The following RGS7 variants were observed in gnomAD, a reference collection of about 807,000 sequenced individuals.
RGS7 encodes regulator of G protein signaling 7.
In RGS7, 27 loss-of-function variants were observed where a neutral mutation model predicts 81.1. The ratio of observed to expected loss-of-function variants is 0.33; its 90% confidence interval spans 0.25 to 0.46. The LOEUF (loss-of-function observed/expected upper bound fraction) is 0.46. Among genes scored for constraint, RGS7 ranks in the 20% least tolerant of loss-of-function variants. The probability of loss-of-function intolerance (pLI) is 1.00; values close to 1 mark genes in which losing one functional copy is unlikely to be tolerated. For synonymous variants in RGS7, 208 were observed against 207.7 expected (o/e 1.00, Z -0.01); for missense variants, 396 against 607.4 (o/e 0.65, Z 3.66).
intron 2 of RGS7, among the ~76,000 whole-genome samples, chr1:241,289,468 T>C (rs572055112): frequency 1.3e-5 from 2 of 152,334 alleles, no homozygotes; most frequent in East Asian, 3.9e-4. Context: ...CCACATTTTA[T>C]AGTAACAGCT....
chr1:240,793,939 C>T (rs1686556328), intron 18 of RGS7, among the ~76,000 whole-genome samples: 1 of 151,964 alleles, frequency 6.6e-6, no homozygotes. Context: ...GCGTAGTTTA[C>T]CTATATTAGT....
At chr1:241,305,338 C>T (rs532105527) in intron 2 of RGS7, among the ~76,000 whole-genome samples, 2 of 152,252 alleles carry the variant, frequency 1.3e-5, no homozygotes, top group South Asian at 2.1e-4. Flanking sequence ...AGTTTAATGT[C>T]GTCGGTCACC....
rs2062991001 is a variant in RGS7 at position 241,079,120 on chromosome 1, G to A, written c.175+19546C>T. ...AGCTAGTAACAGACAGCAAAACCGAGTTCCTATCTCTCTAGTGTTCCCTGC... is the reference window on the plus strand; with the variant it reads ...AGCTAGTAACAGACAGCAAAACCGAATTCCTATCTCTCTAGTGTTCCCTGC... On this transcript the variant is annotated intron_variant, in intron 3 of 18. Coordinates refer to ENST00000440928, the MANE Select transcript of RGS7 (RefSeq NM_001364886.1). 2.6e-5 allele frequency among the ~76,000 whole-genome samples: 4 copies of A among 152,162 alleles called. No homozygotes were observed. The South Asian group carries it at 8.3e-4, about 32-fold the overall frequency.
intron 10 of RGS7, among the ~76,000 whole-genome samples, chr1:240,820,589 G>A (rs894469628): frequency 2.6e-5 from 4 of 152,094 alleles, no homozygotes; most frequent in African/African-American, 9.7e-5. Flanking sequence ...AGGTGACTAG[G>A]TATGAGGGTG....
chr1:241,190,025 C>T (rs954504855), intron 2 of RGS7, among the ~76,000 whole-genome samples: 2 of 152,050 alleles, frequency 1.3e-5, no homozygotes, highest in Non-Finnish European at 2.9e-5. Context: ...ATGGCGTGAA[C>T]CTGGGAGGCG....
Position 241,238,246 on chromosome 1 carries a change from T to C in RGS7, c.78+117453A>G, listed in dbSNP as rs536768328. The stretch of plus-strand genomic sequence containing the variant: ...GGGCATGTGTGTGTGTACATGCATA[T>C]AGAAATTTGGGGAGGAGAAGAAAAA... On this transcript the variant is annotated intron_variant, in intron 2 of 18. Coordinates refer to ENST00000440928, the MANE Select transcript of RGS7 (RefSeq NM_001364886.1). 7.9e-5 allele frequency among the ~76,000 whole-genome samples: 12 copies of C among 152,224 alleles called. No homozygotes were observed. In the East Asian group the frequency reaches 1.9e-3, roughly 24 times the overall value.
At chr1:240,814,304 T>C (rs1415886967) in intron 12 of RGS7, among the ~76,000 whole-genome samples, 1 of 152,224 alleles carries the variant, frequency 6.6e-6, no homozygotes, top group Non-Finnish European at 1.5e-5. Context: ...AAATTTGAGT[T>C]TCATTCATAT....
At chr1:241,323,692 G>A (rs909518783) in intron 2 of RGS7, among the ~76,000 whole-genome samples, 3 of 152,202 alleles carry the variant, frequency 2.0e-5, no homozygotes, top group Non-Finnish European at 2.9e-5. Context: ...AGCTGCCAAC[G>A]GAGAACAGAC....
Position 240,800,712 on chromosome 1 carries a change from T to C in RGS7, c.1423A>G (p.Ile475Val), listed in dbSNP as rs1030502060. ...EKFAQNVGRN[I>V]PIFPCHKNCT... ...TTTTTATGGCATGGGAAAATAGGGA[T>C]GTTTCTGCCCTATAAAAATAAATGT... Residue 475 changes from isoleucine (I) to valine (V), a missense_variant, in exon 18 of 19, where the codon ATC becomes GTC. Transcript: ENST00000440928. The C allele has an allele frequency of 5.2e-6, 8 of 1,542,898 alleles. No homozygotes were observed. The Admixed American group carries it at 1.4e-4, about 27-fold the overall frequency.
intron 4 of RGS7, among the ~76,000 whole-genome samples, chr1:240,949,372 T>C (rs1012633549): frequency 2.2e-4 from 33 of 152,144 alleles, no homozygotes; most frequent in Admixed American, 6.5e-5. Context: ...CATCCACCCA[T>C]CTGCTATCCA....
At chr1:241,066,116 C>T (rs754289317) in intron 3 of RGS7, among the ~76,000 whole-genome samples, 3 of 152,148 alleles carry the variant, frequency 2.0e-5, no homozygotes, top group Non-Finnish European at 4.4e-5. Flanking sequence ...TTATTCATCT[C>T]ATCTAATGCA....
chr1:241,253,692 G>A (rs1218670182), intron 2 of RGS7, among the ~76,000 whole-genome samples: 1 of 152,114 alleles, frequency 6.6e-6, no homozygotes, highest in African/African-American at 2.4e-5. Flanking sequence ...CCATAATTCT[G>A]ACTCATGCTG....
intron 2 of RGS7, among the ~76,000 whole-genome samples, chr1:241,169,636 A>C (rs2070577508): frequency 6.6e-6 from 1 of 151,916 alleles, no homozygotes; most frequent in African/African-American, 2.4e-5. Flanking sequence ...AACCACCCGC[A>C]CCTGGCCTGT....
chr1:240,988,025 T>A (rs145066450), intron 3 of RGS7, among the ~76,000 whole-genome samples: 170 of 152,224 alleles, frequency 1.1e-3, no homozygotes, highest in African/African-American at 4.0e-3. Context: ...AAAGAAAGAA[T>A]GTCTAGCGAA....
chr1:241,030,377 TACACAC>T (rs1553394000), intron 3 of RGS7, among the ~76,000 whole-genome samples: 29 of 137,182 alleles, frequency 2.1e-4, no homozygotes, highest in Non-Finnish European at 3.6e-4. Context: ...TATATATACA[TACACAC>T]ATACATACAC....
At chr1:241,220,945 AGAAGCAAG>A (rs778713412) in intron 2 of RGS7, among the ~76,000 whole-genome samples, 2 of 123,872 alleles carry the variant, frequency 1.6e-5, no homozygotes, top group East Asian at 2.3e-4. Context: ...GAAGGAAGGA[AGAAGCAAG>A]GAAGGAAGGA....
chr1:241,209,656 C>A (rs1168487636), intron 2 of RGS7, among the ~76,000 whole-genome samples: 1 of 151,918 alleles, frequency 6.6e-6, no homozygotes, highest in African/African-American at 2.4e-5. Context: ...GGCAACATAG[C>A]AAAACCATGT....
intron 2 of RGS7, among the ~76,000 whole-genome samples, chr1:241,174,797 A>G (rs532864266): frequency 1.3e-5 from 2 of 150,712 alleles, no homozygotes; most frequent in East Asian, 4.0e-4. Flanking sequence ...CTGTGAGTGT[A>G]TGATGAACAC....
chr1:241,244,558 A>G (rs2076424978), intron 2 of RGS7, among the ~76,000 whole-genome samples: 1 of 152,228 alleles, frequency 6.6e-6, no homozygotes, highest in South Asian at 2.1e-4. Flanking sequence ...CGATTCCTCA[A>G]GGATCTAGAA....
Sources: allele counts gnomAD v4.1 joint callset (sites outside exome capture counted in the v4.1 genomes callset), GRCh38; gene constraint gnomAD v4.1.1; transcripts MANE v1.5; gene names NCBI Gene and HGNC (gene_info 2026-07-23, HGNC 2026-07-21).